The following NPIPB2 variants were observed in gnomAD, a reference collection of about 807,000 sequenced individuals.
NPIPB2 encodes the protein nuclear pore complex-interacting protein family member B2.
A neutral mutation model predicts 30.8 loss-of-function variants in NPIPB2; 27 were observed. That is an observed-to-expected ratio of 0.88 (90% CI 0.65 to 1.21). The LOEUF (loss-of-function observed/expected upper bound fraction) is 1.21, where lower values mean the gene tolerates loss of function less well. NPIPB2 is among the 50% of genes most tolerant of loss of function. The pLI is 0.00. For synonymous variants in NPIPB2, 147 were observed against 162.0 expected (o/e 0.91, Z 0.70); for missense variants, 440 against 446.2 (o/e 0.99, Z 0.13).
At chr16:11,951,623 CAT>C (rs386419581) in intron 1 of NPIPB2, among the ~76,000 whole-genome samples, 4,173 of 106,772 alleles carry the variant, frequency 0.039, 68 homozygotes, top group African/African-American at 0.072. Context: ...TGCACATACA[CAT>C]ACACACACAC....
intron 4 of NPIPB2, among the ~76,000 whole-genome samples, chr16:11,933,121 C>T (rs868564887): frequency 2.6e-5 from 4 of 151,498 alleles, no homozygotes; most frequent in Admixed American, 6.6e-5. Context: ...ATTAGCTGGG[C>T]GTGGTGGTGG....
chr16:11,931,063 AT>A (rs1353845856), intron 4 of NPIPB2, among the ~76,000 whole-genome samples: 1 of 151,216 alleles, frequency 6.6e-6, no homozygotes, highest in Non-Finnish European at 1.5e-5. Flanking sequence ...TCCTTCCAGA[AT>A]AACCCCGCAG....
upstream of NPIPB2, among the ~76,000 whole-genome samples, chr16:11,943,350 A>G (rs1350269375): frequency 2.0e-5 from 3 of 152,134 alleles, no homozygotes; most frequent in Non-Finnish European, 4.4e-5. Flanking sequence ...CAAACAAACA[A>G]AAAACAGGGT....
upstream of NPIPB2, among the ~76,000 whole-genome samples, chr16:11,944,557 G>T (rs553601297): frequency 6.6e-6 from 1 of 150,736 alleles, no homozygotes; most frequent in African/African-American, 2.4e-5. Flanking sequence ...GAGGTCAGGA[G>T]TTTAAGACCA....
At chr16:11,965,128 G>T in intron 1 of NPIPB2, 1 of 628,586 alleles carries the variant, frequency 1.6e-6, no homozygotes, top group Non-Finnish European at 2.8e-6. Flanking sequence ...TTAGAAACTT[G>T]AATTAGATGT....
chr16:11,934,489 G>A (rs1339674669), intron 2 of NPIPB2, among the ~76,000 whole-genome samples: 5 of 148,120 alleles, frequency 3.4e-5, no homozygotes, highest in Non-Finnish European at 4.4e-5. Context: ...GCAGGAAAAG[G>A]TTGTGGTGAG....
chr16:11,956,724 G>A (rs1164264514), intron 1 of NPIPB2, among the ~76,000 whole-genome samples: 1 of 152,182 alleles, frequency 6.6e-6, no homozygotes, highest in Non-Finnish European at 1.5e-5. Flanking sequence ...TGCCCAGGAG[G>A]AACACTGACT....
chr16:11,939,313 G>C lies in NPIPB2; in HGVS notation c.64-1645C>G, dbSNP rs2054907821. Among the ~76,000 whole-genome samples the C allele has an allele frequency of 2.6e-5, 4 of 152,070 alleles. No individual in the cohort carries two copies. The South Asian group carries it at 8.3e-4, about 32-fold the overall frequency. On this transcript the variant is annotated intron_variant, in intron 1 of 7. Coordinates refer to ENST00000399147, the Ensembl canonical transcript of NPIPB2. ...GTGGTGGCTCACGCCTGCAATCCCAGCACTTTGGGAAGCCAAGGTGGGTGG... is the reference window on the plus strand; with the variant it reads ...GTGGTGGCTCACGCCTGCAATCCCACCACTTTGGGAAGCCAAGGTGGGTGG...
At chr16:11,940,760 A>T (rs1320121653) in intron 1 of NPIPB2, among the ~76,000 whole-genome samples, 3,868 of 76,372 alleles carry the variant, frequency 0.051, 168 homozygotes, top group African/African-American at 0.19. Flanking sequence ...ACTCTGTCTA[A>T]AAAAAAAAAA....
chr16:11,967,384 C>G (rs1181317552), intron 1 of NPIPB2, among the ~76,000 whole-genome samples: 1 of 152,182 alleles, frequency 6.6e-6, no homozygotes, highest in Admixed American at 6.5e-5. Flanking sequence ...GCTCTGTAGG[C>G]TAACGTGGGA....
chr16:11,970,482 G>A (rs536624768), intron 1 of NPIPB2, among the ~76,000 whole-genome samples: 1 of 152,036 alleles, frequency 6.6e-6, no homozygotes, highest in Non-Finnish European at 1.5e-5. Context: ...CAAAGTGCTA[G>A]AATTATAGGT....
At chr16:11,953,042 C>T (rs7185307) in intron 1 of NPIPB2, among the ~76,000 whole-genome samples, 88,205 of 152,074 alleles carry the variant, frequency 0.58, 29,541 homozygotes, top group Non-Finnish European at 0.77. Flanking sequence ...TTCTCATGGT[C>T]GCTTCTGGTC....
At chr16:11,933,610 G>T (rs1378097262) in exon 4 of NPIPB2, 4 of 1,454,620 alleles carry the variant, frequency 2.7e-6, no homozygotes, top group Admixed American at 2.2e-5. Flanking sequence ...TCTACCTTTT[G>T]TTTCCACATG....
At chr16:11,949,133 G>A (rs1479028888) in intron 1 of NPIPB2, among the ~76,000 whole-genome samples, 1 of 152,066 alleles carries the variant, frequency 6.6e-6, no homozygotes, top group Non-Finnish European at 1.5e-5. Context: ...CTCCAGCCTG[G>A]GCAACAGAGC....
At chr16:11,934,100 G>A (rs1020813649) in intron 2 of NPIPB2, among the ~76,000 whole-genome samples, 176 bp from the exon 3 acceptor site, 4 of 151,708 alleles carry the variant, frequency 2.6e-5, no homozygotes, top group East Asian at 1.9e-4. Flanking sequence ...GCATGGCAGC[G>A]GGCGCCTGTA....
At chr16:11,958,438 A>G (rs888036869) in intron 1 of NPIPB2, among the ~76,000 whole-genome samples, 1 of 151,848 alleles carries the variant, frequency 6.6e-6, no homozygotes, top group African/African-American at 2.4e-5. Flanking sequence ...AAAAAAAAAA[A>G]AAAATCCTAG....
intron 1 of NPIPB2, among the ~76,000 whole-genome samples, chr16:11,975,266 G>T (rs535351567): frequency 8.4e-6 from 1 of 119,432 alleles, no homozygotes; most frequent in African/African-American, 3.1e-5. Flanking sequence ...TCCTGCCTCA[G>T]CCTCCCAAGT....
At chr16:11,934,686 C>T (rs1488050012) in intron 2 of NPIPB2, among the ~76,000 whole-genome samples, 2 of 151,354 alleles carry the variant, frequency 1.3e-5, no homozygotes, top group Non-Finnish European at 2.9e-5. Flanking sequence ...TGGTGAAACC[C>T]CGTCTCTACT....
chr16:11,946,382 T>A (rs1288586044), upstream of NPIPB2, among the ~76,000 whole-genome samples: 11 of 66,466 alleles, frequency 1.7e-4, no homozygotes, highest in South Asian at 5.1e-4. Context: ...CTAAACTCTA[T>A]CTCAAAAAAA....
Sources: allele counts gnomAD v4.1 joint callset (sites outside exome capture counted in the v4.1 genomes callset), GRCh38; gene constraint gnomAD v4.1.1; transcripts MANE v1.5; gene names NCBI Gene and HGNC (gene_info 2026-07-23, HGNC 2026-07-21).